The following RELN variants were observed in gnomAD, a reference collection of about 807,000 sequenced individuals.
RELN encodes reelin.
A neutral mutation model predicts 427.6 loss-of-function variants in RELN; 108 were observed. The observed-to-expected ratio is 0.25, with a 90% CI of 0.22 to 0.30. The LOEUF (loss-of-function observed/expected upper bound fraction) is 0.30, where lower values mean the gene tolerates loss of function less well. Among genes scored for constraint, RELN ranks in the 10% least tolerant of loss-of-function variants. RELN has a pLI of 1.00. For missense variants in RELN, 3,715 were observed against 4,302.8 expected (o/e 0.86, Z 3.82); for synonymous variants, 1,524 against 1,513.4 (o/e 1.01, Z -0.16).
intron 2 of RELN, among the ~76,000 whole-genome samples, chr7:103,893,061 A>T (rs1794884028): frequency 6.6e-6 from 1 of 152,182 alleles, no homozygotes; most frequent in African/African-American, 2.4e-5. Flanking sequence ...GTCCAAGTTC[A>T]TGGGTAGAGG....
At chr7:103,476,554 T>G (rs1376042728) in intron 64 of RELN, among the ~76,000 whole-genome samples, 1 of 152,202 alleles carries the variant, frequency 6.6e-6, no homozygotes, top group Non-Finnish European at 1.5e-5. Context: ...TAATTTGGTA[T>G]GTGAAATATA....
At chr7:103,805,057 T>C (rs1795112842) in intron 3 of RELN, among the ~76,000 whole-genome samples, 1 of 145,268 alleles carries the variant, frequency 6.9e-6, no homozygotes, top group Admixed American at 7.0e-5. Flanking sequence ...ATAATATATA[T>C]TCCCTCAGGT....
At chr7:103,549,720 C>T (rs1469545944) in intron 41 of RELN, among the ~76,000 whole-genome samples, 1 of 152,174 alleles carries the variant, frequency 6.6e-6, no homozygotes, top group Non-Finnish European at 1.5e-5. Context: ...TTGCTAAGTC[C>T]CCCACACTTT....
chr7:103,712,198 A>C (rs1789820286), intron 8 of RELN, among the ~76,000 whole-genome samples: 1 of 152,212 alleles, frequency 6.6e-6, no homozygotes, highest in South Asian at 2.1e-4. Flanking sequence ...ATCCATATTA[A>C]GTATATCAAA....
chr7:103,582,959 T>G (rs1019780184), intron 28 of RELN, among the ~76,000 whole-genome samples: 2 of 152,286 alleles, frequency 1.3e-5, no homozygotes, highest in African/African-American at 4.8e-5. Flanking sequence ...CATTGAGATG[T>G]AAGATTCATC....
At chr7:103,548,575 C>A (rs1000439090) in intron 41 of RELN, among the ~76,000 whole-genome samples, 22 of 152,172 alleles carry the variant, frequency 1.4e-4, no homozygotes, top group African/African-American at 5.3e-4. Context: ...TGGGTTTATA[C>A]CATTCTGAGA....
In RELN at chr7:103,535,378, G is replaced by T. The variant is rs915583909; in HGVS notation, c.7287C>A (p.Ile2429=). ...ACTTGTTGAAAGTGTCTGACACCAG[G>T]ATCCGTTGCAGATGATAGCGACTGC... The part of the protein sequence containing the change: ...VECSRYHLQR[I]LVSDTFNKWT... The change falls in exon 46 of 65, where the codon ATC becomes ATA. Residue 2429 remains isoleucine, a synonymous_variant. Transcript: ENST00000428762. The T allele has an allele frequency of 2.5e-6, 4 of 1,614,056 alleles. No individual in the cohort carries two copies. The highest frequency in any genetic ancestry group is 3.4e-6 in the Non-Finnish European group (4 of 1,179,964).
intron 28 of RELN, among the ~76,000 whole-genome samples, chr7:103,578,301 G>A (rs924087720): frequency 5.9e-5 from 9 of 152,094 alleles, no homozygotes; most frequent in Non-Finnish European, 1.3e-4. Flanking sequence ...GACCCCAGGA[G>A]CTCAGTACTA....
intron 3 of RELN, among the ~76,000 whole-genome samples, chr7:103,820,157 G>A (rs1381364199): frequency 6.6e-6 from 1 of 151,676 alleles, no homozygotes; most frequent in East Asian, 1.9e-4. Context: ...AATGTCTTAG[G>A]GTTAAATAGT....
chr7:103,491,397 A>AAG (rs1828645116), intron 58 of RELN, among the ~76,000 whole-genome samples: 2 of 152,252 alleles, frequency 1.3e-5, no homozygotes, highest in Non-Finnish European at 2.9e-5. Flanking sequence ...AATTTAAAAT[A>AAG]TAAAGTTTCT....
intron 2 of RELN, among the ~76,000 whole-genome samples, chr7:103,885,956 A>T (rs1794718195): frequency 6.6e-6 from 1 of 152,178 alleles, no homozygotes; most frequent in Non-Finnish European, 1.5e-5. Flanking sequence ...GAAAAAGAAG[A>T]AATGGTGATT....
intron 2 of RELN, among the ~76,000 whole-genome samples, chr7:103,914,188 T>C (rs1197875292): frequency 1.3e-5 from 2 of 152,186 alleles, no homozygotes; most frequent in African/African-American, 4.8e-5. Flanking sequence ...CTTTGTTTGT[T>C]TGTCTTACTA....
At chr7:103,624,152 A>G (rs1380563909) in intron 20 of RELN, among the ~76,000 whole-genome samples, 1 of 152,150 alleles carries the variant, frequency 6.6e-6, no homozygotes, top group Non-Finnish European at 1.5e-5. Flanking sequence ...GCTGCTTCTC[A>G]TAAAATATAC....
Position 103,634,086 on chromosome 7 carries a change from T to C in RELN, c.2465+1339A>G, listed in dbSNP as rs539947406. Among the ~76,000 whole-genome samples the C allele has an allele frequency of 2.6e-5, 4 of 152,270 alleles. No individual in the cohort carries two copies. In the East Asian group the frequency reaches 7.7e-4, roughly 29 times the overall value. On this transcript the variant is annotated intron_variant, in intron 19 of 64. Coordinates refer to ENST00000428762, the MANE Select transcript of RELN (RefSeq NM_005045.4). ...CTATGAAAATAAAAGTTCTCATCTA[T>C]TTGCAAATACTTAAATATGGAGGCA...
Position 103,801,551 on chromosome 7 carries a change from T to A in RELN, c.474-24924A>T, listed in dbSNP as rs138058363. 1.8e-3 allele frequency among the ~76,000 whole-genome samples: 201 copies of A among 108,808 alleles called. 1 individual carries two copies. The highest frequency in any genetic ancestry group is 7.2e-3 in the African/African-American group (194 of 26,996). The allele number at this position is 108,808 out of a possible 152,430, so 71.4% of individuals were successfully genotyped here. A position where few individuals can be genotyped will look rare whatever the true frequency, so the allele number is the denominator to read the frequency against. On this transcript the variant is annotated intron_variant, in intron 3 of 64. Transcript: ENST00000428762. The stretch of plus-strand genomic sequence containing the variant: ...ACAATGAGAACACATGAACACAGGG[T>A]GGGGAACATCACACACTGGGGCCTG...
At chr7:103,951,267 A>G (rs1434280172) in intron 1 of RELN, among the ~76,000 whole-genome samples, 1 of 152,232 alleles carries the variant, frequency 6.6e-6, no homozygotes, top group Non-Finnish European at 1.5e-5. Context: ...TACAATCTAT[A>G]AACAAATCAC....
chr7:103,743,995 T>C (rs976749190), intron 6 of RELN, among the ~76,000 whole-genome samples: 40 of 152,100 alleles, frequency 2.6e-4, no homozygotes, highest in Non-Finnish European at 1.5e-4. Flanking sequence ...TATTCCAAAA[T>C]TGACCACATA....
At chr7:103,767,062 C>T (rs893529169) in intron 4 of RELN, among the ~76,000 whole-genome samples, 1 of 152,150 alleles carries the variant, frequency 6.6e-6, no homozygotes, top group African/African-American at 2.4e-5. Context: ...AGAGGGTATG[C>T]CAAGAAGCCC....
chr7:103,565,068 A>T, intron 34 of RELN, among the ~76,000 whole-genome samples: 1 of 152,218 alleles, frequency 6.6e-6, no homozygotes, highest in East Asian at 1.9e-4. Context: ...GGCAAAGAAC[A>T]GAAAAGTTCA....
Sources: gnomAD v4.1 joint callset for allele counts (sites outside exome capture counted in the v4.1 genomes callset) on GRCh38, gnomAD v4.1.1 for gene constraint, MANE v1.5 for transcripts, NCBI Gene and HGNC (gene_info 2026-07-23, HGNC 2026-07-21) for gene names.